The following MTUS2 variants were observed in gnomAD, a reference collection of about 807,000 sequenced individuals.
MTUS2 encodes microtubule associated scaffold protein 2.
MTUS2 carries 40 observed loss-of-function variants against 114.1 expected under a neutral mutation model. That is an observed-to-expected ratio of 0.35 (90% confidence interval 0.27 to 0.46). The LOEUF (loss-of-function observed/expected upper bound fraction) is 0.46. Ranked by LOEUF, MTUS2 falls within the 20% of genes least tolerant of loss-of-function variation. The pLI, the probability that MTUS2 is intolerant of heterozygous loss-of-function variation, is 1.00. For synonymous variants in MTUS2, 688 were observed against 672.0 expected (o/e 1.02, Z -0.37); for missense variants, 1,679 against 1,705.4 (o/e 0.98, Z 0.27).
intron 6 of MTUS2, chr13:29,306,995 T>G: frequency 1.8e-6 from 1 of 545,170 alleles, no homozygotes; most frequent in Non-Finnish European, 3.6e-6. Flanking sequence ...ACTGGAAATC[T>G]CATCACCATC....
chr13:29,407,392 G>A lies in MTUS2; in HGVS notation c.3118-32591G>A, dbSNP rs182332495. On this transcript the variant is annotated intron_variant, in intron 8 of 15. Transcript: ENST00000612955. ...AGACGTGGAATTACTGATTCAAAGT[G>A]TGCATATAGCTTCCATTTTCTTATA... is the stretch of plus-strand genomic sequence containing the variant. 5.0e-3 allele frequency among the ~76,000 whole-genome samples: 755 copies of A among 152,130 alleles called. 7 individuals are homozygous for A. Among genetic ancestry groups the A allele is most frequent in the African/African-American group, 0.017 (721 of 41,514 alleles).
At chr13:29,190,444 C>T (rs1293557773) in intron 5 of MTUS2, among the ~76,000 whole-genome samples, 1 of 152,190 alleles carries the variant, frequency 6.6e-6, no homozygotes, top group Non-Finnish European at 1.5e-5. Flanking sequence ...ACCCAGGTCG[C>T]CTGGCTCTGG....
intron 2 of MTUS2, among the ~76,000 whole-genome samples, chr13:29,016,352 CT>C (rs1332818031): frequency 4.0e-3 from 548 of 136,314 alleles, no homozygotes; most frequent in Middle Eastern, 7.7e-3. Flanking sequence ...CTGGAAAGGA[CT>C]TTTTTTTTTT....
At chr13:29,204,854 T>A (rs189972240) in intron 5 of MTUS2, among the ~76,000 whole-genome samples, 1 of 152,336 alleles carries the variant, frequency 6.6e-6, no homozygotes, top group East Asian at 1.9e-4. Context: ...GGGCACCTGC[T>A]GGCCATAGGG....
At chr13:29,426,358 A>G (rs1197496863) in intron 8 of MTUS2, among the ~76,000 whole-genome samples, 1 of 152,256 alleles carries the variant, frequency 6.6e-6, no homozygotes, top group African/African-American at 2.4e-5. Flanking sequence ...ATCCTGCTTT[A>G]GCCCCATTGT....
At position 29,505,752 on chromosome 13, in the gene MTUS2, C is replaced by T. The variant is rs1344258213; in HGVS notation, c.*2546C>T. 8.7e-6 allele frequency: 2 copies of T among 229,094 alleles called. No homozygotes were observed. Among genetic ancestry groups the T allele is most frequent in the Non-Finnish European group, 1.7e-5 (2 of 115,578 alleles). The allele number at this position is 229,094 out of a possible 1,614,324, so 14.2% of individuals were successfully genotyped here. A position where few individuals can be genotyped will look rare whatever the true frequency, so the allele number is the denominator to read the frequency against. On this transcript the variant is annotated 3_prime_UTR_variant, in exon 16 of 16. Coordinates refer to ENST00000612955, the MANE Select transcript of MTUS2 (RefSeq NM_001033602.4). ...TTGGGAGATGCGTGGGCGGCCTGCCCCCCGACCGCCGCCCCTGCCCACCAC... is the reference window on the plus strand; with the variant it reads ...TTGGGAGATGCGTGGGCGGCCTGCCTCCCGACCGCCGCCCCTGCCCACCAC...
rs1164815698 is a variant in MTUS2 at position 29,033,870 on chromosome 13, GT to G, written c.2206-13del. ...TGTGAAGGTCTCTGATTGAGTTTTT[GT>G]TCATTTATCATAGGTTACAGACCAC... On this transcript the variant is annotated splice_polypyrimidine_tract_variant and intron_variant, in intron 3 of 15. Coordinates refer to ENST00000612955, the MANE Select transcript of MTUS2 (RefSeq NM_001033602.4). 1.9e-6 allele frequency: 3 copies of G among 1,613,498 alleles called. No homozygotes were observed. The South Asian group carries it at 3.3e-5, about 18-fold the overall frequency.
chr13:28,891,545 T>C (rs1194683280), intron 2 of MTUS2, among the ~76,000 whole-genome samples: 2 of 151,830 alleles, frequency 1.3e-5, no homozygotes, highest in Non-Finnish European at 1.5e-5. Context: ...AACAAAAAGA[T>C]AATAGGGGCA....
rs1211378460 is a variant in MTUS2 at position 29,206,461 on chromosome 13, C to T, written c.2645-75243C>T. Among the ~76,000 whole-genome samples, 14 of 152,152 alleles carry T rather than the reference C, an allele frequency of 9.2e-5. No individual in the cohort carries two copies. In the South Asian group the frequency reaches 1.5e-3, roughly 16 times the overall value. ...TTTTTCTTGAATTTGCTTTTGGGTTCGTAGTCATAAAATCCTTGCCTAAGC... is the reference window on the plus strand; with the variant it reads ...TTTTTCTTGAATTTGCTTTTGGGTTTGTAGTCATAAAATCCTTGCCTAAGC... On this transcript the variant is annotated intron_variant, in intron 5 of 15. Coordinates refer to ENST00000612955, the MANE Select transcript of MTUS2 (RefSeq NM_001033602.4).
chr13:28,990,740 A>G (rs1884806781), intron 2 of MTUS2, among the ~76,000 whole-genome samples: 1 of 152,234 alleles, frequency 6.6e-6, no homozygotes, highest in Non-Finnish European at 1.5e-5. Context: ...CCCAGCCAAC[A>G]GCGGCAACCC....
At chr13:28,878,680 C>G (rs1593265729) in intron 2 of MTUS2, among the ~76,000 whole-genome samples, 1 of 152,344 alleles carries the variant, frequency 6.6e-6, no homozygotes, top group South Asian at 2.1e-4. Flanking sequence ...TTTATGGCTG[C>G]ATAGTATTCT....
At chr13:29,277,794 C>G (rs1457223290) in intron 5 of MTUS2, among the ~76,000 whole-genome samples, 1 of 152,166 alleles carries the variant, frequency 6.6e-6, no homozygotes, top group African/African-American at 2.4e-5. Context: ...GTTCACTTTC[C>G]TCTGTCTACC....
At chr13:29,373,102 T>C (rs1871321744) in intron 8 of MTUS2, among the ~76,000 whole-genome samples, 1 of 152,130 alleles carries the variant, frequency 6.6e-6, no homozygotes, top group Non-Finnish European at 1.5e-5. Flanking sequence ...CAGAAAGAGC[T>C]CCAGGAGAAA....
At chr13:29,057,472 G>C (rs1888189107) in intron 4 of MTUS2, among the ~76,000 whole-genome samples, 1 of 152,090 alleles carries the variant, frequency 6.6e-6, no homozygotes, top group Non-Finnish European at 1.5e-5. Context: ...TGTGAATCTG[G>C]ATGTTCCTGT....
intron 5 of MTUS2, among the ~76,000 whole-genome samples, chr13:29,251,263 G>T (rs1897113415): frequency 6.8e-6 from 1 of 147,646 alleles, no homozygotes; most frequent in African/African-American, 2.5e-5. Context: ...ACTCAGCCTT[G>T]GCTTTCTTAC....
At chr13:28,927,122 G>A (rs867242513) in intron 2 of MTUS2, among the ~76,000 whole-genome samples, 11 of 152,192 alleles carry the variant, frequency 7.2e-5, no homozygotes, top group East Asian at 1.9e-4. Context: ...CTACTTAAAC[G>A]TACAGTGTGT....
At chr13:29,354,962 A>G (rs1173711143) in intron 7 of MTUS2, among the ~76,000 whole-genome samples, 1 of 152,244 alleles carries the variant, frequency 6.6e-6, no homozygotes, top group Non-Finnish European at 1.5e-5. Flanking sequence ...GTGGGAAGCT[A>G]TCAAAGTTCT....
At chr13:28,874,079 T>G (rs1040616569) in intron 2 of MTUS2, among the ~76,000 whole-genome samples, 3 of 151,922 alleles carry the variant, frequency 2.0e-5, no homozygotes, top group African/African-American at 7.3e-5. Context: ...AGTGCAGTGG[T>G]GCAATCTCAG....
chr13:29,028,980 A>G (rs554629656), intron 3 of MTUS2, among the ~76,000 whole-genome samples: 3 of 152,340 alleles, frequency 2.0e-5, no homozygotes, highest in East Asian at 1.9e-4. Context: ...GAATGCATCA[A>G]TCACAACAGA....
Sources: allele counts gnomAD v4.1 joint callset (sites outside exome capture counted in the v4.1 genomes callset), GRCh38; gene constraint gnomAD v4.1.1; transcripts MANE v1.5; gene names NCBI Gene and HGNC (gene_info 2026-07-23, HGNC 2026-07-21).